The following PTPRT variants were observed in gnomAD, a reference collection of about 807,000 sequenced individuals.
PTPRT encodes the protein protein tyrosine phosphatase receptor type T, also known as receptor-type tyrosine-protein phosphatase T.
In PTPRT, 56 loss-of-function variants were observed where a neutral mutation model predicts 176.8. The observed-to-expected ratio is 0.32, with a 90% CI of 0.26 to 0.40. The LOEUF (loss-of-function observed/expected upper bound fraction) is 0.40, where lower values mean the gene tolerates loss of function less well. Ranked by LOEUF, PTPRT falls within the 10% of genes least tolerant of loss-of-function variation. The pLI, the probability that PTPRT is intolerant of heterozygous loss-of-function variation, is 1.00. For synonymous variants in PTPRT, 783 were observed against 739.0 expected (o/e 1.06, Z -0.96); for missense variants, 1,540 against 1,908.2 (o/e 0.81, Z 3.60).
At chr20:42,403,355 G>C (rs2058930055) in intron 9 of PTPRT, among the ~76,000 whole-genome samples, 2 of 152,062 alleles carry the variant, frequency 1.3e-5, no homozygotes, top group South Asian at 4.1e-4. Flanking sequence ...ATACCACAAT[G>C]ACTAGCTTTG....
intron 13 of PTPRT, among the ~76,000 whole-genome samples, chr20:42,275,633 G>A (rs575878779): frequency 6.6e-6 from 1 of 152,226 alleles, no homozygotes; most frequent in African/African-American, 2.4e-5. Flanking sequence ...AGAGAGATGT[G>A]CCAGCTGTTG....
intron 2 of PTPRT, among the ~76,000 whole-genome samples, chr20:42,854,342 A>T (rs770732032): frequency 6.6e-6 from 1 of 152,196 alleles, no homozygotes. Flanking sequence ...CGCATGGTTT[A>T]AGGAGGCCAA....
chr20:42,208,848 T>A (rs1165473406), intron 15 of PTPRT, among the ~76,000 whole-genome samples: 1 of 152,206 alleles, frequency 6.6e-6, no homozygotes, highest in East Asian at 1.9e-4. Context: ...TACATTTTTT[T>A]CAGCACCACA....
chr20:43,187,730 A>G (rs1454851559), intron 1 of PTPRT, among the ~76,000 whole-genome samples: 1 of 152,188 alleles, frequency 6.6e-6, no homozygotes, highest in Admixed American at 6.5e-5. Context: ...TTCCCAAACC[A>G]TATTCCAGGA....
At chr20:42,274,581 G>GTGTGTTTA (rs1555812661) in intron 13 of PTPRT, among the ~76,000 whole-genome samples, 1 of 134,074 alleles carries the variant, frequency 7.5e-6, no homozygotes, top group East Asian at 2.1e-4. Context: ...GTGTGTGTGT[G>GTGTGTTTA]TGTGTGTGTG....
chr20:43,051,702 A>T (rs2146234017), intron 1 of PTPRT, among the ~76,000 whole-genome samples: 1 of 151,428 alleles, frequency 6.6e-6, no homozygotes, highest in South Asian at 2.1e-4. Context: ...TTCAAATGCA[A>T]CTTATTGAAC....
intron 7 of PTPRT, among the ~76,000 whole-genome samples, chr20:42,580,560 T>C (rs2073352827): frequency 1.3e-5 from 2 of 152,148 alleles, no homozygotes; most frequent in African/African-American, 4.8e-5. Flanking sequence ...TCCATTTGTT[T>C]GTATCCTCTT....
At chr20:42,239,413 CTTTTTTTTT>C (rs35978863) in intron 14 of PTPRT, among the ~76,000 whole-genome samples, 3 of 81,224 alleles carry the variant, frequency 3.7e-5, no homozygotes, top group African/African-American at 1.4e-4. Context: ...CATTTTCTTT[CTTTTTTTTT>C]TTTTTTTTTT....
intron 1 of PTPRT, among the ~76,000 whole-genome samples, chr20:43,012,205 C>A (rs1043418601): frequency 6.6e-6 from 1 of 152,170 alleles, no homozygotes; most frequent in African/African-American, 2.4e-5. Context: ...CTCTAGCGAA[C>A]CCTGACTAAT....
At chr20:42,531,263 T>C (rs2072378991) in intron 7 of PTPRT, among the ~76,000 whole-genome samples, 4 of 152,214 alleles carry the variant, frequency 2.6e-5, no homozygotes, top group Non-Finnish European at 5.9e-5. Context: ...CCTTTTCTAT[T>C]CAGAAGAACA....
At chr20:42,662,905 G>T (rs1258587168) in intron 7 of PTPRT, among the ~76,000 whole-genome samples, 2 of 151,930 alleles carry the variant, frequency 1.3e-5, no homozygotes, top group Non-Finnish European at 2.9e-5. Flanking sequence ...TGACTCCAAT[G>T]GGTACAACAA....
intron 7 of PTPRT, among the ~76,000 whole-genome samples, chr20:42,664,985 C>G (rs1239616825): frequency 6.6e-6 from 1 of 152,152 alleles, no homozygotes. Context: ...AGATCTAAAA[C>G]CACAAAAACC....
chr20:42,726,057 TTTATTATTATTATTATTATTA>T (rs59329244), intron 6 of PTPRT, among the ~76,000 whole-genome samples: 1 of 142,286 alleles, frequency 7.0e-6, no homozygotes, highest in African/African-American at 2.6e-5. Flanking sequence ...TGTGGGCATC[TTTATTATTATTATTATTATTA>T]TTATTATTAT....
At chr20:43,073,147 T>C (rs1600693061) in intron 1 of PTPRT, among the ~76,000 whole-genome samples, 2 of 152,250 alleles carry the variant, frequency 1.3e-5, no homozygotes, top group South Asian at 2.1e-4. Flanking sequence ...GACCACACGC[T>C]CATGAAGGAA....
intron 1 of PTPRT, among the ~76,000 whole-genome samples, chr20:42,918,808 G>A (rs992558347): frequency 7.2e-5 from 11 of 151,932 alleles, no homozygotes; most frequent in African/African-American, 7.3e-5. Context: ...TACTAGCTTC[G>A]AGTTTTGTGT....
At chr20:42,437,114 A>G (rs2059268963) in intron 9 of PTPRT, among the ~76,000 whole-genome samples, 1 of 152,204 alleles carries the variant, frequency 6.6e-6, no homozygotes, top group Admixed American at 6.5e-5. Flanking sequence ...GCTTATGTAG[A>G]TCATAAGTAA....
chr20:43,117,503 G>A (rs894000080), intron 1 of PTPRT, among the ~76,000 whole-genome samples: 2 of 152,082 alleles, frequency 1.3e-5, no homozygotes, highest in Non-Finnish European at 2.9e-5. Flanking sequence ...TTTTGAGTAG[G>A]AGGTGGGGGT....
At chr20:43,187,998 C>T (rs2015438232) in intron 1 of PTPRT, among the ~76,000 whole-genome samples, 2 of 152,226 alleles carry the variant, frequency 1.3e-5, no homozygotes. Flanking sequence ...GGTTTTACCG[C>T]TTGCTACCCA....
chr20:42,721,737 TC>T (rs1321708433), intron 6 of PTPRT, among the ~76,000 whole-genome samples: 1 of 152,214 alleles, frequency 6.6e-6, no homozygotes, highest in African/African-American at 2.4e-5. Context: ...TCTGGCCTTT[TC>T]CAAGGAAATC....
Sources: allele counts gnomAD v4.1 joint callset (sites outside exome capture counted in the v4.1 genomes callset), GRCh38; gene constraint gnomAD v4.1.1; transcripts MANE v1.5; gene names NCBI Gene and HGNC (gene_info 2026-07-23, HGNC 2026-07-21).